PCDH15: variants seen among roughly 807,000 people sequenced by gnomAD.
PCDH15 encodes protocadherin-15.
In PCDH15, 129 loss-of-function variants were observed where a neutral mutation model predicts 178.5. The observed-to-expected ratio is 0.72, with a 90% CI of 0.63 to 0.84. The LOEUF (loss-of-function observed/expected upper bound fraction) is 0.84, where lower values mean the gene tolerates loss of function less well. Ranked by LOEUF, PCDH15 falls within the 40% of genes least tolerant of loss-of-function variation. The pLI, the probability that PCDH15 is intolerant of heterozygous loss-of-function variation, is 0.00. For synonymous variants in PCDH15, 800 were observed against 732.0 expected (o/e 1.09, Z -1.50); for missense variants, 2,230 against 2,099.9 (o/e 1.06, Z -1.21).
chr10:54,990,252 C>CT (rs1164172939), intron 2 of PCDH15, among the ~76,000 whole-genome samples: 2 of 152,148 alleles, frequency 1.3e-5, no homozygotes, highest in Non-Finnish European at 2.9e-5. Context: ...ATCTGTGTAA[C>CT]TTTTTTTGTA....
At chr10:54,526,657 C>T (rs2083391171) in intron 3 of PCDH15, among the ~76,000 whole-genome samples, 1 of 152,112 alleles carries the variant, frequency 6.6e-6, no homozygotes, top group African/African-American at 2.4e-5. Flanking sequence ...ATTTTAAAAA[C>T]ATAATCAAAA....
rs142780047 is a variant in PCDH15 at position 55,194,460 on chromosome 10, A to G, written c.-155-27809T>C. ...TAGAGATAAAGAAACAGAGGCATCA[A>G]CAGAATAAAACTTTCCTTAAATTGC... On this transcript the variant is annotated intron_variant, in intron 1 of 5. Transcript: ENST00000458638. Among the ~76,000 whole-genome samples the G allele has an allele frequency of 4.0e-3, 612 of 152,224 alleles. 8 individuals are homozygous for G. The highest frequency in any genetic ancestry group is 0.014 in the African/African-American group (594 of 41,494).
intron 2 of PCDH15, among the ~76,000 whole-genome samples, chr10:55,438,465 T>C (rs1486921594): frequency 5.3e-5 from 8 of 152,176 alleles, no homozygotes; most frequent in Non-Finnish European, 1.0e-4. Flanking sequence ...TGCTTATTAG[T>C]CTGAAGTATA....
intron 1 of PCDH15, among the ~76,000 whole-genome samples, chr10:55,271,189 T>C (rs113923561): frequency 3.9e-4 from 60 of 152,120 alleles, no homozygotes; most frequent in African/African-American, 1.4e-3. Flanking sequence ...GGTTACTATG[T>C]TTCATACCTG....
chr10:55,469,534 A>C (rs535483216), intron 2 of PCDH15, among the ~76,000 whole-genome samples: 159 of 152,118 alleles, frequency 1.0e-3, no homozygotes, highest in African/African-American at 3.8e-3. Context: ...TTCATTGTTT[A>C]TATTGCTATT....
In PCDH15 at chr10:54,317,259, G is replaced by A. The variant is rs376742153; in HGVS notation, c.876+12C>T. 2.5e-6 allele frequency: 4 copies of A among 1,610,086 alleles called. No homozygotes were observed. The highest frequency in any genetic ancestry group is 3.4e-6 in the Non-Finnish European group (4 of 1,176,476). On this transcript the variant is annotated intron_variant, in intron 8 of 37. Coordinates refer to ENST00000644397, the MANE Select transcript of PCDH15 (RefSeq NM_001384140.1). ...CATGCAAATAAATGGAGAAAGATAA[G>A]AGTATATTTACCGGAGTTCTCAACT...
chr10:53,831,382 C>T lies in PCDH15; in HGVS notation c.4135G>A (p.Ala1379Thr). ...CAGAGGATGATGATGAAGGCCAGAG[C>T]CAACAAGGCCCCTTCTGTGTATCCT... ...SLGYTEGALL[A>T]LAFIIILCCI... Residue 1379 changes from alanine (A) to threonine (T), a missense_variant, in exon 30 of 38, where the codon GCT becomes ACT. Physicochemically the swap from Ala to Thr is moderately conservative, Grantham distance 58. Coordinates refer to ENST00000644397, the MANE Select transcript of PCDH15 (RefSeq NM_001384140.1). 1.9e-6 allele frequency: 3 copies of T among 1,614,098 alleles called. No homozygotes were observed. Among genetic ancestry groups the T allele is most frequent in the Non-Finnish European group, 2.5e-6 (3 of 1,180,018 alleles).
rs201585937 is a variant in PCDH15, at chr10:54,454,045, AAT to A, written c.157+73765_157+73766del. On this transcript the variant is annotated intron_variant, in intron 3 of 37. Coordinates refer to ENST00000644397, the MANE Select transcript of PCDH15 (RefSeq NM_001384140.1). ...TACATCTCCTTGAATATATAAATAT[AAT>A]AGAGATTAAATATAACAGATTTATA... 7.8e-3 allele frequency among the ~76,000 whole-genome samples: 1,185 copies of A among 151,492 alleles called. 6 individuals carry two copies. Among genetic ancestry groups the A allele is most frequent in the Non-Finnish European group, 0.013 (862 of 67,856 alleles).
intron 23 of PCDH15, among the ~76,000 whole-genome samples, chr10:53,958,925 C>G (rs186359779): frequency 0.011 from 1,532 of 139,090 alleles, 27 homozygotes; most frequent in African/African-American, 0.036. Context: ...CTTGTAGTGA[C>G]CCGAGATTAC....
chr10:55,150,082 AGG>A (rs542522373), intron 2 of PCDH15, among the ~76,000 whole-genome samples: 78,255 of 146,378 alleles, frequency 0.53, 21,655 homozygotes, highest in South Asian at 0.64. Context: ...GGGGGAGGGG[AGG>A]GGAGGAAAAG....
chr10:55,142,898 A>C (rs1838393528), intron 2 of PCDH15, among the ~76,000 whole-genome samples: 1 of 151,984 alleles, frequency 6.6e-6, no homozygotes, highest in Admixed American at 6.6e-5. Context: ...AGTGAGTGAT[A>C]TGATTTGGCT....
At chr10:55,374,084 TATAATAATA>T (rs71461295) in intron 2 of PCDH15, among the ~76,000 whole-genome samples, 13,658 of 143,840 alleles carry the variant, frequency 0.095, 727 homozygotes, top group East Asian at 0.21. Context: ...GAACTTAAAG[TATAATAATA>T]ATAATAATAA....
intron 8 of PCDH15, among the ~76,000 whole-genome samples, chr10:54,313,784 A>C (rs1191182974): frequency 6.6e-6 from 1 of 152,132 alleles, no homozygotes; most frequent in Non-Finnish European, 1.5e-5. Flanking sequence ...CCCAAATTGA[A>C]AGTATAATCT....
At chr10:55,233,383 C>A (rs1468062403) in intron 1 of PCDH15, among the ~76,000 whole-genome samples, 1 of 152,046 alleles carries the variant, frequency 6.6e-6, no homozygotes, top group Non-Finnish European at 1.5e-5. Flanking sequence ...TGCTTTACTG[C>A]TAAACTGGTT....
chr10:54,699,710 G>A (rs1423476520), intron 1 of PCDH15, among the ~76,000 whole-genome samples: 2 of 151,694 alleles, frequency 1.3e-5, no homozygotes, highest in Non-Finnish European at 2.9e-5. Flanking sequence ...TTGAATGTCA[G>A]GAGAAATATA....
chr10:54,082,650 A>G (rs2094451753), intron 16 of PCDH15, among the ~76,000 whole-genome samples: 1 of 152,182 alleles, frequency 6.6e-6, no homozygotes, highest in South Asian at 2.1e-4. Context: ...CTCTTAGATA[A>G]AAACTAGAGG....
At chr10:54,168,812 A>G (rs1187139164) in intron 13 of PCDH15, among the ~76,000 whole-genome samples, 1 of 152,140 alleles carries the variant, frequency 6.6e-6, no homozygotes, top group Non-Finnish European at 1.5e-5. Flanking sequence ...TCCTGACATT[A>G]AATAAAACTC....
chr10:54,249,931 T>C (rs558143615), intron 8 of PCDH15, among the ~76,000 whole-genome samples: 2 of 152,098 alleles, frequency 1.3e-5, no homozygotes, highest in Non-Finnish European at 2.9e-5. Context: ...TATTTATTTA[T>C]TTATTTGAGA....
chr10:54,232,094 G>T (rs2054135599), intron 9 of PCDH15, among the ~76,000 whole-genome samples: 1 of 152,168 alleles, frequency 6.6e-6, no homozygotes, highest in African/African-American at 2.4e-5. Context: ...GTTTGGATTT[G>T]TTTCCCCACC....
Sources: allele counts gnomAD v4.1 joint callset (sites outside exome capture counted in the v4.1 genomes callset), GRCh38; gene constraint gnomAD v4.1.1; transcripts MANE v1.5; gene names NCBI Gene and HGNC (gene_info 2026-07-23, HGNC 2026-07-21).